Variants in ORAI3 observed in about 807,000 individuals in gnomAD.
ORAI3 encodes protein orai-3.
A neutral mutation model predicts 17.2 loss-of-function variants in ORAI3; 15 were observed. The ratio of observed to expected loss-of-function variants is 0.87; its 90% CI spans 0.58 to 1.34. The LOEUF is 1.34. Ranked by LOEUF, ORAI3 falls within the 40% of genes most tolerant of loss-of-function variation. ORAI3 has a pLI of 0.00. For synonymous variants in ORAI3, 178 were observed against 172.4 expected (o/e 1.03, Z -0.25); for missense variants, 405 against 396.7 (o/e 1.02, Z -0.18).
At position 30,949,217 on chromosome 16, in the gene ORAI3, TGGGCCGGCCCGGCTG is replaced by T; in HGVS notation, c.-67_-53del. ...CTGGGAATGGGGCCGCCCCCGGGCT[TGGGCCGGCCCGGCTG>T]GGGCCCCCGAGGCGCTTCCGCCCCG... On this transcript the variant is annotated 5_prime_UTR_variant, in exon 1 of 2. Transcript: ENST00000318663. The T allele has an allele frequency of 1.8e-6, 2 of 1,102,882 alleles. No homozygotes were observed. Among genetic ancestry groups the T allele is most frequent in the Non-Finnish European group, 2.4e-6 (2 of 832,224 alleles). The allele number at this position is 1,102,882 out of a possible 1,614,324, so 68.3% of individuals were successfully genotyped here.
At chr16:30,951,282 A>C (rs551862164) in intron 1 of ORAI3, among the ~76,000 whole-genome samples, 15 of 152,300 alleles carry the variant, frequency 9.8e-5, no homozygotes, top group Admixed American at 9.2e-4. Flanking sequence ...GCTGTCACTA[A>C]GCACCAGGCA....
chr16:30,953,953 C>A lies in ORAI3; in HGVS notation c.*109C>A. 1.7e-6 allele frequency: 2 copies of A among 1,208,812 alleles called. No homozygotes were observed. Among genetic ancestry groups the A allele is most frequent in the Non-Finnish European group, 1.2e-6 (1 of 847,070 alleles). 74.9% of individuals were successfully genotyped at this position (1,208,812 alleles called of 1,614,324 possible). A position where few individuals can be genotyped will look rare whatever the true frequency, so the allele number is the denominator to read the frequency against. ...CCCCATCCCCTGGCTGGAGCCACTT[C>A]CAGTGGCCACTCTCAGGCAGAGTTC... On this transcript the variant is annotated 3_prime_UTR_variant, in exon 2 of 2. Coordinates refer to ENST00000318663, the MANE Select transcript of ORAI3 (RefSeq NM_152288.3).
In ORAI3 at chr16:30,953,990, C is replaced by G. The variant is rs770138737; in HGVS notation, c.*146C>G. On this transcript the variant is annotated 3_prime_UTR_variant, in exon 2 of 2. Coordinates refer to ENST00000318663, the MANE Select transcript of ORAI3 (RefSeq NM_152288.3). ...CTCAGGCAGAGTTCAGATTCCTGCCCGCAGGGTCCTCTGGGCTGGGCCTTG... is the reference window on the plus strand; with the variant it reads ...CTCAGGCAGAGTTCAGATTCCTGCCGGCAGGGTCCTCTGGGCTGGGCCTTG... 1 of 899,326 alleles carries G rather than the reference C, an allele frequency of 1.1e-6. No individual in the cohort carries two copies. Among genetic ancestry groups the G allele is most frequent in the Admixed American group, 2.0e-5 (1 of 50,260 alleles). 55.7% of individuals were successfully genotyped at this position (899,326 alleles called of 1,614,324 possible). A position where few individuals can be genotyped will look rare whatever the true frequency, so the allele number is the denominator to read the frequency against.
chr16:30,949,581 G>C (rs929202771), intron 1 of ORAI3, 64 bp downstream of exon 1: 2 of 712,686 alleles, frequency 2.8e-6, no homozygotes, highest in Non-Finnish European at 4.2e-6. Context: ...GGTCGGGGGG[G>C]GGGCGAAGTA....
chr16:30,952,128 CTTTT>C (rs59673229), intron 1 of ORAI3, among the ~76,000 whole-genome samples: 23 of 95,868 alleles, frequency 2.4e-4, no homozygotes, highest in Non-Finnish European at 2.5e-4. Context: ...TCTTATCTTT[CTTTT>C]TTTTTTTTTT....
Position 30,953,376 on chromosome 16 carries a change from C to A in ORAI3, c.420C>A (p.His140Gln). The change falls in exon 2 of 2, where the codon CAC becomes CAA. Residue 140 changes from histidine to glutamine, a missense_variant. Transcript: ENST00000318663. ...HNLNSVHQSP[H>Q]QRLHRYVELA... ...TCAACTCTGTCCACCAGTCGCCACA[C>A]CAGAGACTGCACCGCTACGTGGAGC... The A allele has an allele frequency of 6.2e-7, 1 of 1,614,232 alleles. No homozygotes were observed. Among genetic ancestry groups the A allele is most frequent in the Non-Finnish European group, 8.5e-7 (1 of 1,180,022 alleles).
Position 30,953,640 on chromosome 16 carries a change from C to G in ORAI3, c.684C>G (p.Pro228=). Reference sequence around the variant, plus strand: ...CCCAAGCTGAGCCAGCCTGCCCACCCCGGCAAGCCTGTGGTGGTGGTGGGG... The same window carrying G: ...CCCAAGCTGAGCCAGCCTGCCCACCGCGGCAAGCCTGTGGTGGTGGTGGGG... ...APSQAEPACP[P]RQACGGGGAH... The change falls in exon 2 of 2, where the codon CCC becomes CCG. Residue 228 remains proline (P), a synonymous_variant. Transcript: ENST00000318663. 1 of 1,613,842 alleles carries G rather than the reference C, an allele frequency of 6.2e-7. No homozygotes were observed.
chr16:30,950,815 C>T (rs1039802066), intron 1 of ORAI3, among the ~76,000 whole-genome samples: 3 of 152,168 alleles, frequency 2.0e-5, no homozygotes, highest in Non-Finnish European at 4.4e-5. Context: ...GAGCAGCCAC[C>T]CAAGCTGAGG....
intron 1 of ORAI3, among the ~76,000 whole-genome samples, chr16:30,952,939 T>TA (rs1490723784): frequency 2.6e-5 from 4 of 152,210 alleles, no homozygotes; most frequent in African/African-American, 9.7e-5. Flanking sequence ...GTGCTGGGAT[T>TA]ATAGGCATGA....
chr16:30,953,936 C>A lies in ORAI3; in HGVS notation c.*92C>A. On this transcript the variant is annotated 3_prime_UTR_variant, in exon 2 of 2. Coordinates refer to ENST00000318663, the MANE Select transcript of ORAI3 (RefSeq NM_152288.3). ...GCCTACAGACCTCATCCCCCCATCC[C>A]CTGGCTGGAGCCACTTCCAGTGGCC... is the stretch of plus-strand genomic sequence containing the variant. The A allele has an allele frequency of 7.1e-7, 1 of 1,398,924 alleles. No homozygotes were observed. The highest frequency in any genetic ancestry group is 9.8e-7 in the Non-Finnish European group (1 of 1,019,288). 86.7% of individuals were successfully genotyped at this position (1,398,924 alleles called of 1,614,324 possible). A position where few individuals can be genotyped will look rare whatever the true frequency, so the allele number is the denominator to read the frequency against.
At position 30,953,633 on chromosome 16, in the gene ORAI3, G is replaced by A. The variant is rs771518139; in HGVS notation, c.677G>A (p.Cys226Tyr). The A allele has an allele frequency of 1.2e-6, 2 of 1,613,796 alleles. No homozygotes were observed. ...GCACCGTCCCAAGCTGAGCCAGCCT[G>A]CCCACCCCGGCAAGCCTGTGGTGGT... ...SAAPSQAEPA[C>Y]PPRQACGGGG... Residue 226 changes from cysteine (C) to tyrosine (Y), a missense_variant, in exon 2 of 2, where the codon TGC (cysteine) becomes TAC (tyrosine). Cys to Tyr is a radical substitution (Grantham distance 194, BLOSUM62 -2). Coordinates refer to ENST00000318663, the MANE Select transcript of ORAI3 (RefSeq NM_152288.3).
chr16:30,953,966 T>A lies in ORAI3; in HGVS notation c.*122T>A. The A allele has an allele frequency of 9.0e-7, 1 of 1,105,746 alleles. No individual in the cohort carries two copies. The highest frequency in any genetic ancestry group is 1.3e-6 in the Non-Finnish European group (1 of 752,930). The allele number at this position is 1,105,746 out of a possible 1,614,324, so 68.5% of individuals were successfully genotyped here. A position where few individuals can be genotyped will look rare whatever the true frequency, so the allele number is the denominator to read the frequency against. Reference sequence around the variant, plus strand: ...CTGGAGCCACTTCCAGTGGCCACTCTCAGGCAGAGTTCAGATTCCTGCCCG... The same window carrying A: ...CTGGAGCCACTTCCAGTGGCCACTCACAGGCAGAGTTCAGATTCCTGCCCG... On this transcript the variant is annotated 3_prime_UTR_variant, in exon 2 of 2. Transcript: ENST00000318663.
chr16:30,952,852 G>A (rs1027683082), intron 1 of ORAI3, among the ~76,000 whole-genome samples: 4 of 152,002 alleles, frequency 2.6e-5, no homozygotes, highest in Non-Finnish European at 5.9e-5. Flanking sequence ...TTTTAGTAGA[G>A]ACGGGGTTTC....
At chr16:30,951,720 AAAAG>A (rs1242397941) in intron 1 of ORAI3, among the ~76,000 whole-genome samples, 2 of 152,112 alleles carry the variant, frequency 1.3e-5, no homozygotes, top group South Asian at 2.1e-4. Context: ...CAAAAAAAAA[AAAAG>A]AGAGACCCCA....
In ORAI3 at chr16:30,949,260, G is replaced by A. The variant is rs747564651; in HGVS notation, c.-30G>A. On this transcript the variant is annotated 5_prime_UTR_variant, in exon 1 of 2. In the 5' UTR this introduces an upstream ATG that the reference lacks. Coordinates refer to ENST00000318663, the MANE Select transcript of ORAI3 (RefSeq NM_152288.3). ...GCCCCCGAGGCGCTTCCGCCCCGTA[G>A]TGACCGCCTGGTGCCGCCCCCCCCC... 390 of 1,375,734 alleles carry A rather than the reference G, an allele frequency of 2.8e-4. 1 individual carries two copies. The Middle Eastern group carries it at 7.9e-3, about 28-fold the overall frequency. The allele number at this position is 1,375,734 out of a possible 1,614,324, so 85.2% of individuals were successfully genotyped here. A position where few individuals can be genotyped will look rare whatever the true frequency, so the allele number is the denominator to read the frequency against.
chr16:30,953,433 C>G lies in ORAI3; in HGVS notation c.477C>G (p.Thr159=). 1 of 1,614,256 alleles carries G rather than the reference C, an allele frequency of 6.2e-7. No homozygotes were observed. Among genetic ancestry groups the G allele is most frequent in the Non-Finnish European group, 8.5e-7 (1 of 1,180,046 alleles). ...GGGGCTTCTCCACTGCCCTGGGCAC[C>G]TTTCTCTTCCTTGCTGAAGTTGTCC... ...LAWGFSTALG[T]FLFLAEVVLV... Residue 159 remains threonine, a synonymous_variant, in exon 2 of 2, where the codon ACC becomes ACG. Transcript: ENST00000318663.
intron 1 of ORAI3, among the ~76,000 whole-genome samples, chr16:30,951,366 A>G (rs1490478593): frequency 6.6e-6 from 1 of 152,184 alleles, no homozygotes; most frequent in Non-Finnish European, 1.5e-5. Flanking sequence ...CATTTTACAG[A>G]TGAGGAAACT....
Position 30,954,123 on chromosome 16 carries a change from G to C in ORAI3, c.*279G>C, listed in dbSNP as rs1409820887. On this transcript the variant is annotated 3_prime_UTR_variant, in exon 2 of 2. Coordinates refer to ENST00000318663, the MANE Select transcript of ORAI3 (RefSeq NM_152288.3). ...CAGTTGAAGGATCATGCAGTAGATAGAGGGGAGGCAGGGAGAGCTTGTGGG... is the reference window on the plus strand; with the variant it reads ...CAGTTGAAGGATCATGCAGTAGATACAGGGGAGGCAGGGAGAGCTTGTGGG... The C allele has an allele frequency of 5.7e-6, 4 of 702,760 alleles. No individual in the cohort carries two copies. The highest frequency in any genetic ancestry group is 1.0e-5 in the Non-Finnish European group (4 of 385,094). The allele number at this position is 702,760 out of a possible 1,614,324, so 43.5% of individuals were successfully genotyped here. A position where few individuals can be genotyped will look rare whatever the true frequency, so the allele number is the denominator to read the frequency against.
rs1378272655 is a variant in ORAI3, at chr16:30,954,657, C to T, written c.*813C>T. On this transcript the variant is annotated 3_prime_UTR_variant, in exon 2 of 2. Transcript: ENST00000318663. Reference sequence around the variant, plus strand: ...CCTATCTTTGGAGGTTCAAGCTCCCCACCTTCCCCCACTGTGGTGACCTGT... The same window carrying T: ...CCTATCTTTGGAGGTTCAAGCTCCCTACCTTCCCCCACTGTGGTGACCTGT... 6.3e-6 allele frequency: 1 copy of T among 158,042 alleles called. No homozygotes were observed. The allele number at this position is 158,042 out of a possible 1,614,324, so 9.8% of individuals were successfully genotyped here. A position where few individuals can be genotyped will look rare whatever the true frequency, so the allele number is the denominator to read the frequency against.
Sources: gnomAD v4.1 joint callset for allele counts (sites outside exome capture counted in the v4.1 genomes callset) on GRCh38, gnomAD v4.1.1 for gene constraint, MANE v1.5 for transcripts, NCBI Gene and HGNC (gene_info 2026-07-23, HGNC 2026-07-21) for gene names.